The following YDJC variants were observed in gnomAD, a reference collection of about 807,000 sequenced individuals.
The protein encoded by YDJC is carbohydrate deacetylase.
A neutral mutation model predicts 18.9 loss-of-function variants in YDJC; 23 were observed. That is an observed-to-expected ratio of 1.22 (90% CI 0.87 to 1.72). The LOEUF is 1.72. Ranked by LOEUF, YDJC falls within the 40% of genes most tolerant of loss-of-function variation. YDJC has a pLI of 0.00. For synonymous variants in YDJC, 224 were observed against 217.6 expected (o/e 1.03, Z -0.26); for missense variants, 467 against 470.8 (o/e 0.99, Z 0.07).
intron 1 of YDJC, 25 bp from the exon 2 acceptor site, chr22:21,629,786 C>T: frequency 6.8e-7 from 1 of 1,470,376 alleles, no homozygotes; most frequent in South Asian, 1.3e-5. Flanking sequence ...CGAGCTGGAG[C>T]ACTAGCGGCC....
chr22:21,629,824 C>A, intron 1 of YDJC, 27 bp downstream of exon 1: 1 of 1,505,210 alleles, frequency 6.6e-7, no homozygotes. Context: ...AAGCCGATCG[C>A]CGCCCTGCTA....
At position 21,629,836 on chromosome 22, in the gene YDJC, A is replaced by G; in HGVS notation, c.164+15T>C. The G allele has an allele frequency of 1.3e-6, 2 of 1,527,788 alleles. No homozygotes were observed. The highest frequency in any genetic ancestry group is 1.8e-6 in the Non-Finnish European group (2 of 1,141,672). 94.6% of individuals were successfully genotyped at this position (1,527,788 alleles called of 1,614,324 possible). ...CCCAAGCCGATCGCCGCCCTGCTAG[A>G]GGCCCTCCCCTCACCTGCGGGCCAG... On this transcript the variant is annotated intron_variant, in intron 1 of 4. Transcript: ENST00000292778.
rs543520905 is a variant in YDJC, at chr22:21,628,191, G to C, written c.*227C>G. 95 of 469,284 alleles carry C rather than the reference G, an allele frequency of 2.0e-4. 2 individuals are homozygous for C. The South Asian group carries it at 6.9e-3, about 34-fold the overall frequency. 29.1% of individuals were successfully genotyped at this position (469,284 alleles called of 1,614,324 possible). ...CATGGAGGGGCACCAAATGCTCTGC[G>C]GGCCCTAGCCCGCTGCCACAGGCTA... is the stretch of plus-strand genomic sequence containing the variant. On this transcript the variant is annotated 3_prime_UTR_variant, in exon 5 of 5. Coordinates refer to ENST00000292778, the MANE Select transcript of YDJC (RefSeq NM_001017964.2).
intron 1 of YDJC, 29 bp downstream of exon 1, chr22:21,629,822 C>A: frequency 6.7e-7 from 1 of 1,502,076 alleles, no homozygotes; most frequent in Non-Finnish European, 8.9e-7. Flanking sequence ...CCAAGCCGAT[C>A]GCCGCCCTGC....
chr22:21,629,880 G>A lies in YDJC; in HGVS notation c.135C>T (p.Ala45=). The A allele has an allele frequency of 1.3e-6, 2 of 1,584,684 alleles. No individual in the cohort carries two copies. The highest frequency in any genetic ancestry group is 3.5e-5 in the Admixed American group (2 of 56,994). ...TSVSLLVNGA[A]TESAAELARR... is the part of the protein sequence containing the mutation. ...GGGCCAGCTCCGCCGCGCTCTCCGTGGCCGCACCGTTGACCAGCAGGGACA... is the reference window on the plus strand; with the variant it reads ...GGGCCAGCTCCGCCGCGCTCTCCGTAGCCGCACCGTTGACCAGCAGGGACA... Residue 45 remains alanine, a synonymous_variant, in exon 1 of 5, where the codon GCC becomes GCT. Transcript: ENST00000292778.
rs975590435 is a variant in YDJC, at chr22:21,628,502, G to C, written c.888C>G (p.Leu296=). 6.2e-7 allele frequency: 1 copy of C among 1,611,300 alleles called. No individual in the cohort carries two copies. The highest frequency in any genetic ancestry group is 8.5e-7 in the Non-Finnish European group (1 of 1,178,338). Reference sequence around the variant, plus strand: ...CTGGCCTCTTGGAGTCCAGGTCGTCGAGGGCGCAAAGCTGCACGCCATCCT... The same window carrying C: ...CTGGCCTCTTGGAGTCCAGGTCGTCCAGGGCGCAAAGCTGCACGCCATCCT... ...LAQDGVQLCA[L]DDLDSKRPGE... The change falls in exon 5 of 5, where the codon CTC becomes CTG. Residue 296 remains leucine (L), a synonymous_variant. Coordinates refer to ENST00000292778, the MANE Select transcript of YDJC (RefSeq NM_001017964.2).
At position 21,629,937 on chromosome 22, in the gene YDJC, C is replaced by A. The variant is rs757162744; in HGVS notation, c.78G>T (p.Val26=). Reference sequence around the variant, plus strand: ...TCACAGCCCCGGCCAGAAAGGCCTCCACGATACCCTCATCGCGTCGCGGGC... The same window carrying A: ...TCACAGCCCCGGCCAGAAAGGCCTCAACGATACCCTCATCGCGTCGCGGGC... ...GYCPRRDEGI[V]EAFLAGAVTS... The change falls in exon 1 of 5, where the codon GTG becomes GTT. Residue 26 remains valine, a synonymous_variant. Transcript: ENST00000292778. 2.7e-5 allele frequency: 44 copies of A among 1,605,086 alleles called. No homozygotes were observed. The highest frequency in any genetic ancestry group is 3.1e-5 in the Non-Finnish European group (37 of 1,178,482).
Position 21,628,278 on chromosome 22 carries a change from T to A in YDJC, c.*140A>T. The A allele has an allele frequency of 1.6e-6, 2 of 1,218,394 alleles. No individual in the cohort carries two copies. Among genetic ancestry groups the A allele is most frequent in the Non-Finnish European group, 2.2e-6 (2 of 913,728 alleles). The allele number at this position is 1,218,394 out of a possible 1,614,324, so 75.5% of individuals were successfully genotyped here. A position where few individuals can be genotyped will look rare whatever the true frequency, so the allele number is the denominator to read the frequency against. On this transcript the variant is annotated 3_prime_UTR_variant, in exon 5 of 5. Transcript: ENST00000292778. ...GATGCCATTTGGAGGCATGAGGACC[T>A]GAGCCCAGAGGTGGCAGTGTCCTAC...
At position 21,628,371 on chromosome 22, in the gene YDJC, C is replaced by T. The variant is rs766825554; in HGVS notation, c.*47G>A. 10 of 1,478,678 alleles carry T rather than the reference C, an allele frequency of 6.8e-6. No homozygotes were observed. In the African/African-American group the frequency reaches 1.3e-4, roughly 19 times the overall value. The allele number at this position is 1,478,678 out of a possible 1,614,324, so 91.6% of individuals were successfully genotyped here. A position where few individuals can be genotyped will look rare whatever the true frequency, so the allele number is the denominator to read the frequency against. On this transcript the variant is annotated 3_prime_UTR_variant, in exon 5 of 5. Transcript: ENST00000292778. ...CTGGGCCAGGACTAAATCCTGGCTC[C>T]CCTTTCTTGGTACTAAGGGGATTAG...
chr22:21,629,956 C>T lies in YDJC; in HGVS notation c.59G>A (p.Arg20Gln), dbSNP rs749004490. ...VTADDFGYCP[R>Q]RDEGIVEAFL... ...GGCCTCCACGATACCCTCATCGCGT[C>T]GCGGGCAGTAACCAAAGTCGTCCGC... Residue 20 changes from arginine (R) to glutamine (Q), a missense_variant, in exon 1 of 5, where the codon CGA becomes CAA. Coordinates refer to ENST00000292778, the MANE Select transcript of YDJC (RefSeq NM_001017964.2). 6.2e-7 allele frequency: 1 copy of T among 1,604,848 alleles called. No homozygotes were observed. The highest frequency in any genetic ancestry group is 8.5e-7 in the Non-Finnish European group (1 of 1,178,412).
intron 4 of YDJC, 67 bp downstream of exon 4, chr22:21,628,943 G>C: frequency 7.0e-7 from 1 of 1,433,754 alleles, no homozygotes; most frequent in African/African-American, 1.4e-5. Context: ...GACACAGCTA[G>C]CCAGGTGAAC....
chr22:21,628,995 G>C lies in YDJC; in HGVS notation c.602+15C>G. 5 of 1,457,282 alleles carry C rather than the reference G, an allele frequency of 3.4e-6. No homozygotes were observed. Among genetic ancestry groups the C allele is most frequent in the Non-Finnish European group, 4.5e-6 (5 of 1,114,190 alleles). 90.3% of individuals were successfully genotyped at this position (1,457,282 alleles called of 1,614,324 possible). A position where few individuals can be genotyped will look rare whatever the true frequency, so the allele number is the denominator to read the frequency against. On this transcript the variant is annotated intron_variant, in intron 4 of 4. Coordinates refer to ENST00000292778, the MANE Select transcript of YDJC (RefSeq NM_001017964.2). ...CAGAGGCAGCTATGGTAGGAGACGGGGCGGGGAGCCTCACCGCAGGCCGTG... is the reference window on the plus strand; with the variant it reads ...CAGAGGCAGCTATGGTAGGAGACGGCGCGGGGAGCCTCACCGCAGGCCGTG...
intron 2 of YDJC, 58 bp downstream of exon 2, chr22:21,629,544 C>G (rs761912034): frequency 6.2e-7 from 1 of 1,609,888 alleles, no homozygotes. Context: ...TCACAGTACC[C>G]TCCGGGCGGA....
rs1046843 is a variant in YDJC, at chr22:21,628,143, T to C, written c.*275A>G. ...TAGCCATCTCTCCCCACTGCCCCAG[T>C]GGTGAAGGTGTTTGCATTGCAACAT... On this transcript the variant is annotated 3_prime_UTR_variant, in exon 5 of 5. Transcript: ENST00000292778. The C allele has an allele frequency of 2.9e-6, 1 of 347,866 alleles. No homozygotes were observed. The highest frequency in any genetic ancestry group is 2.1e-5 in the African/African-American group (1 of 47,542). 21.5% of individuals were successfully genotyped at this position (347,866 alleles called of 1,614,324 possible).
intron 1 of YDJC, 32 bp downstream of exon 1, chr22:21,629,819 G>C: frequency 6.7e-7 from 1 of 1,499,250 alleles, no homozygotes. Flanking sequence ...GCCCCAAGCC[G>C]ATCGCCGCCC....
intron 4 of YDJC, 108 bp from the exon 5 acceptor site, chr22:21,628,895 A>C: frequency 7.1e-7 from 1 of 1,415,868 alleles, no homozygotes; most frequent in Non-Finnish European, 9.2e-7. Context: ...GGGTGGCGGC[A>C]GCGGTCGACG....
chr22:21,628,836 A>C (rs1217091196), intron 4 of YDJC, 49 bp from the exon 5 acceptor site: 1 of 1,175,570 alleles, frequency 8.5e-7, no homozygotes. Context: ...GCCATGGCCA[A>C]GGGCTAGGTA....
intron 2 of YDJC, 50 bp downstream of exon 2, chr22:21,629,552 G>A: frequency 6.2e-7 from 1 of 1,611,282 alleles, no homozygotes; most frequent in Non-Finnish European, 8.5e-7. Flanking sequence ...CCCTCCGGGC[G>A]GAGCTCTGGG....
In YDJC at chr22:21,629,379, C is replaced by T; in HGVS notation, c.353G>A (p.Ser118Asn). 1.3e-6 allele frequency: 2 copies of T among 1,549,370 alleles called. No individual in the cohort carries two copies. Among genetic ancestry groups the T allele is most frequent in the Non-Finnish European group, 1.7e-6 (2 of 1,146,850 alleles). Residue 118 changes from serine to asparagine, a missense_variant, in exon 3 of 5, where the codon AGC (serine) becomes AAC (asparagine). Ser to Asn is a conservative substitution (Grantham distance 46). Coordinates refer to ENST00000292778, the MANE Select transcript of YDJC (RefSeq NM_001017964.2). ...QVREELEAQL[S>N]CFRELLGRAP... ...CCTGCCCAGCAGCTCCCGGAAGCAG[C>T]TTAGTTGGGCCTCGAGCTCCTCCCG...
Sources: allele counts gnomAD v4.1 joint callset, GRCh38; gene constraint gnomAD v4.1.1; transcripts MANE v1.5; gene names NCBI Gene and HGNC (gene_info 2026-07-23, HGNC 2026-07-21).